The following CLIP2 variants were observed in gnomAD, a reference collection of about 807,000 sequenced individuals.
CLIP2 encodes the protein CAP-Gly domain-containing linker protein 2.
A neutral mutation model predicts 111.7 loss-of-function variants in CLIP2; 41 were observed. The observed-to-expected ratio is 0.37, with a 90% CI of 0.29 to 0.48. The LOEUF (loss-of-function observed/expected upper bound fraction) is 0.48, where lower values mean the gene tolerates loss of function less well. Ranked by LOEUF, CLIP2 falls within the 20% of genes least tolerant of loss-of-function variation. The probability of loss-of-function intolerance (pLI) is 0.99; values close to 1 mark genes in which losing one functional copy is unlikely to be tolerated. For synonymous variants in CLIP2, 660 were observed against 644.2 expected (o/e 1.02, Z -0.37); for missense variants, 1,160 against 1,422.1 (o/e 0.82, Z 2.96).
At chr7:74,397,636 C>G (rs1217798171) in intron 14 of CLIP2, among the ~76,000 whole-genome samples, 3 of 150,166 alleles carry the variant, frequency 2.0e-5, no homozygotes, top group Non-Finnish European at 4.4e-5. Flanking sequence ...CTACAGCAAG[C>G]CTGGGATTCT....
At chr7:74,347,504 G>A (rs375797340) in intron 3 of CLIP2, among the ~76,000 whole-genome samples, 2 of 152,158 alleles carry the variant, frequency 1.3e-5, no homozygotes, top group South Asian at 2.1e-4. Flanking sequence ...TCCTGACCTC[G>A]TGATCTGCCC....
chr7:74,320,213 A>G (rs73131353), intron 2 of CLIP2, among the ~76,000 whole-genome samples: 77,930 of 132,444 alleles, frequency 0.59, 24,607 homozygotes, highest in Middle Eastern at 0.73. Flanking sequence ...AAAAAAAAAA[A>G]AAAGAAAGAA....
At chr7:74,400,667 T>C in intron 15 of CLIP2, 112 bp downstream of exon 15, 1 of 1,101,872 alleles carries the variant, frequency 9.1e-7, no homozygotes, top group South Asian at 1.7e-5. Flanking sequence ...TCTGAGGAGG[T>C]AGGGAGCTCG....
chr7:74,394,245 ATTTTTTT>A (rs56651501), intron 13 of CLIP2, among the ~76,000 whole-genome samples: 14 of 117,410 alleles, frequency 1.2e-4, no homozygotes, highest in African/African-American at 2.9e-4. Flanking sequence ...TTTTCTTCTT[ATTTTTTT>A]TTTTTTTTTT....
chr7:74,296,713 C>A (rs1292471572), intron 1 of CLIP2, among the ~76,000 whole-genome samples: 3 of 145,370 alleles, frequency 2.1e-5, no homozygotes, highest in Non-Finnish European at 3.0e-5. Flanking sequence ...TGCTTGAACC[C>A]GGGAGGCAGA....
chr7:74,326,230 ACT>A (rs1375334094), intron 2 of CLIP2, among the ~76,000 whole-genome samples: 2 of 152,132 alleles, frequency 1.3e-5, no homozygotes, highest in African/African-American at 2.4e-5. Context: ...ACAAAGGAAG[ACT>A]CTGTCTCATA....
intron 2 of CLIP2, among the ~76,000 whole-genome samples, chr7:74,318,744 C>T (rs1206539788): frequency 6.6e-6 from 1 of 152,142 alleles, no homozygotes; most frequent in Non-Finnish European, 1.5e-5. Flanking sequence ...TGTTACTTAT[C>T]ACTTTGATAA....
intron 1 of CLIP2, among the ~76,000 whole-genome samples, chr7:74,310,174 G>A: frequency 6.7e-6 from 1 of 149,656 alleles, no homozygotes; most frequent in African/African-American, 2.5e-5. Context: ...GCTGCAGTGA[G>A]CCATGATCAT....
intron 2 of CLIP2, among the ~76,000 whole-genome samples, chr7:74,331,881 T>G (rs1053802248): frequency 1.3e-5 from 2 of 152,030 alleles, no homozygotes; most frequent in Non-Finnish European, 2.9e-5. Context: ...CCGGGATCAG[T>G]TTCATTCTAC....
intron 14 of CLIP2, among the ~76,000 whole-genome samples, chr7:74,399,032 G>A (rs1378705643): frequency 6.6e-6 from 1 of 151,642 alleles, no homozygotes; most frequent in Non-Finnish European, 1.5e-5. Context: ...AAGCCTTGGT[G>A]TGTGGGTAGA....
chr7:74,362,903 C>T (rs1158232052), intron 7 of CLIP2, among the ~76,000 whole-genome samples: 1 of 152,100 alleles, frequency 6.6e-6, no homozygotes, highest in Non-Finnish European at 1.5e-5. Flanking sequence ...TTGTCCTGTG[C>T]TTGCTGTGTG....
chr7:74,340,093 C>CAAG (rs1469107256), intron 3 of CLIP2, among the ~76,000 whole-genome samples: 2 of 150,630 alleles, frequency 1.3e-5, no homozygotes, highest in African/African-American at 4.9e-5. Context: ...GACCCTGTTT[C>CAAG]AATAATAATA....
rs1335450333 is a variant in CLIP2, at chr7:74,373,694, T to C, written c.1485+658T>C. ...GACAAAGTGTTGGAGTTCCTGGGAA[T>C]GTCCTGTCTCTATGTAGGCAGACCT... On this transcript the variant is annotated intron_variant, in intron 9 of 16. Coordinates refer to ENST00000223398, the MANE Select transcript of CLIP2 (RefSeq NM_003388.5). 5.9e-5 allele frequency among the ~76,000 whole-genome samples: 9 copies of C among 152,178 alleles called. No individual in the cohort carries two copies. The East Asian group carries it at 1.7e-3, about 29-fold the overall frequency.
intron 13 of CLIP2, among the ~76,000 whole-genome samples, chr7:74,391,243 T>C (rs1347975946): frequency 6.6e-6 from 1 of 152,214 alleles, no homozygotes; most frequent in Non-Finnish European, 1.5e-5. Flanking sequence ...TACATAGATA[T>C]GTAGTTAGAA....
chr7:74,364,356 G>A (rs782212734), intron 8 of CLIP2, 41 bp downstream of exon 8: 22 of 1,569,954 alleles, frequency 1.4e-5, no homozygotes, highest in African/African-American at 1.1e-4. Context: ...ACTTAGCACC[G>A]GTGCCTGGCC....
chr7:74,382,703 A>T (rs1790980561), intron 11 of CLIP2, among the ~76,000 whole-genome samples: 1 of 151,666 alleles, frequency 6.6e-6, no homozygotes, highest in Non-Finnish European at 1.5e-5. Context: ...TTTATGTATG[A>T]CATTGCAGAC....
chr7:74,341,761 G>A (rs575274233), intron 3 of CLIP2, among the ~76,000 whole-genome samples: 6 of 152,108 alleles, frequency 3.9e-5, no homozygotes, highest in East Asian at 3.9e-4. Flanking sequence ...CTGGCACCAC[G>A]CCTTTGCTAG....
chr7:74,338,548 C>A lies in CLIP2; in HGVS notation c.222C>A (p.Asp74Glu). Residue 74 changes from aspartate to glutamate, a missense_variant, in exon 3 of 17, where the codon GAC (aspartate) becomes GAA (glutamate). By Grantham distance (45) the Asp-to-Glu change is conservative. Around this residue, in one of 5 missense-constraint regions of CLIP2, gnomAD observed 301 missense variants for 315.2 expected, o/e 0.96. Coordinates refer to ENST00000223398, the MANE Select transcript of CLIP2 (RefSeq NM_003388.5). The surrounding 1 kb of genome is among the most constrained non-coding windows in gnomAD (Gnocchi z 4.3). ...PGPKAAEVGD[D>E]FLGDFVVGER... ...CCAAGGCGGCGGAAGTGGGGGATGA[C>A]TTCCTGGGGGACTTTGTGGTGGGCG... is the stretch of plus-strand genomic sequence containing the variant. The A allele has an allele frequency of 6.3e-7, 1 of 1,596,502 alleles. No homozygotes were observed. The highest frequency in any genetic ancestry group is 8.5e-7 in the Non-Finnish European group (1 of 1,172,658).
chr7:74,347,416 C>A (rs566065443), intron 3 of CLIP2, among the ~76,000 whole-genome samples: 5 of 152,088 alleles, frequency 3.3e-5, no homozygotes, highest in East Asian at 3.9e-4. Context: ...CTACAGGTGC[C>A]CGCCACCACG....
Sources: gnomAD v4.1 joint callset for allele counts (sites outside exome capture counted in the v4.1 genomes callset) on GRCh38, gnomAD v4.1.1 for gene constraint, gnomAD v4.1.1 regional missense constraint, Gnocchi (gnomAD v3.1) non-coding constraint, MANE v1.5 for transcripts, NCBI Gene and HGNC (gene_info 2026-07-23, HGNC 2026-07-21) for gene names.